ACACB: variants seen among roughly 807,000 people sequenced by gnomAD.
The protein encoded by ACACB is acetyl-CoA carboxylase 2.
Under a neutral mutation model 278.8 loss-of-function variants are expected in ACACB, and 209 were observed. The observed-to-expected ratio is 0.75, with a 90% CI of 0.67 to 0.84. The LOEUF (loss-of-function observed/expected upper bound fraction) is 0.84, where lower values mean the gene tolerates loss of function less well. Among genes scored for constraint, ACACB ranks in the 40% least tolerant of loss-of-function variants. The pLI is 0.00. For synonymous variants in ACACB, 1,174 were observed against 1,285.6 expected (o/e 0.91, Z 1.86); for missense variants, 2,850 against 3,269.0 (o/e 0.87, Z 3.13).
At position 109,232,677 on chromosome 12, in the gene ACACB, T is replaced by A; in HGVS notation, c.4010T>A (p.Val1337Glu). 1.2e-6 allele frequency: 2 copies of A among 1,613,882 alleles called. No homozygotes were observed. The highest frequency in any genetic ancestry group is 1.7e-6 in the Non-Finnish European group (2 of 1,179,888). The part of the protein sequence containing the change: ...LPSSHPNRMT[V>E]PISITNPDLL... ...TTGCCATCACCTTACAGGATGACCG[T>A]GCCCATCAGCATCACCAACCCTGAC... Residue 1337 changes from valine to glutamate, a missense_variant, in exon 29 of 53, where the codon GTG (valine) becomes GAG (glutamate). Val to Glu is a moderately radical substitution (Grantham distance 121). This residue lies in a region of ACACB where 2,265 missense variants were observed against 2,561.3 expected (regional missense o/e 0.88). Coordinates refer to ENST00000338432, the MANE Select transcript of ACACB (RefSeq NM_001093.4).
At chr12:109,247,233 T>G (rs926602329) in intron 39 of ACACB, among the ~76,000 whole-genome samples, 4 of 151,932 alleles carry the variant, frequency 2.6e-5, no homozygotes, top group African/African-American at 7.3e-5. Flanking sequence ...GGGGGCGATA[T>G]TGCCCACTAC....
In ACACB at chr12:109,199,469, T is replaced by C; in HGVS notation, c.2695T>C (p.Ser899Pro). 1 of 1,566,392 alleles carries C rather than the reference T, an allele frequency of 6.4e-7. No individual in the cohort carries two copies. The highest frequency in any genetic ancestry group is 8.6e-7 in the Non-Finnish European group (1 of 1,156,262). The change falls in exon 18 of 53, where the codon TCC becomes CCC. Residue 899 changes from serine to proline, a missense_variant. Coordinates refer to ENST00000338432, the MANE Select transcript of ACACB (RefSeq NM_001093.4). ...GGAGAACGATCCTACAGTCCTGAGA[T>C]CCCCCTCGGCTGGGAAGCTGACACA... Reference protein sequence around the residue: ...EKENDPTVLRSPSAGKLTQYT... With the variant: ...EKENDPTVLRPPSAGKLTQYT...
chr12:109,167,621 G>GTGTGTATATATATATATATATATA (rs1555210640), intron 3 of ACACB, among the ~76,000 whole-genome samples: 1 of 77,524 alleles, frequency 1.3e-5, no homozygotes, highest in Non-Finnish European at 2.4e-5. Context: ...ATATGTATGT[G>GTGTGTATATATATATATATATATA]TATATATATA....
intron 15 of ACACB, among the ~76,000 whole-genome samples, chr12:109,192,647 A>G (rs565099163): frequency 4.6e-5 from 7 of 152,266 alleles, no homozygotes; most frequent in Middle Eastern, 3.4e-3. Context: ...AGAAAATAAA[A>G]GGATAAACTT....
chr12:109,172,144 A>G, intron 5 of ACACB, 131 bp from the exon 6 acceptor site: 1 of 914,188 alleles, frequency 1.1e-6, no homozygotes, highest in South Asian at 1.6e-5. Context: ...CTGGTCTCGA[A>G]CTCCTGGGCT....
At chr12:109,150,959 T>C (rs1211593776) in intron 2 of ACACB, among the ~76,000 whole-genome samples, 1 of 149,976 alleles carries the variant, frequency 6.7e-6, no homozygotes, top group East Asian at 2.0e-4. Context: ...TTTTCTTTTT[T>C]TCTTTTCTTT....
chr12:109,127,821 C>CT (rs371987788), intron 1 of ACACB, among the ~76,000 whole-genome samples: 50 of 152,132 alleles, frequency 3.3e-4, no homozygotes, highest in African/African-American at 1.1e-3. Context: ...CTTTTCAAGT[C>CT]TTACAGTTCG....
intron 45 of ACACB, among the ~76,000 whole-genome samples, chr12:109,257,265 C>T (rs2047251920): frequency 1.3e-5 from 2 of 151,542 alleles, no homozygotes. Flanking sequence ...CAGAGCGAGA[C>T]TCCATCTTCA....
At chr12:109,258,826 GC>G in intron 46 of ACACB, 146 bp from the exon 47 acceptor site, 5 of 1,043,704 alleles carry the variant, frequency 4.8e-6, no homozygotes, top group Non-Finnish European at 5.6e-6. Flanking sequence ...AGGAGATGGG[GC>G]TTCCATCCTT....
intron 27 of ACACB, 72 bp downstream of exon 27, chr12:109,223,976 T>C (rs1041784402): frequency 8.4e-6 from 11 of 1,304,550 alleles, no homozygotes; most frequent in African/African-American, 1.5e-5. Context: ...ACCATGCACC[T>C]GACCCTAGGC....
chr12:109,171,424 A>G (rs866640220), intron 4 of ACACB, among the ~76,000 whole-genome samples: 1 of 151,472 alleles, frequency 6.6e-6, no homozygotes, highest in African/African-American at 2.4e-5. Context: ...ATCTCAGCTC[A>G]CTGCTACCTC....
intron 2 of ACACB, among the ~76,000 whole-genome samples, chr12:109,151,364 A>G (rs1410927172): frequency 1.3e-5 from 2 of 152,136 alleles, no homozygotes; most frequent in Non-Finnish European, 2.9e-5. Flanking sequence ...TACAAGGTAC[A>G]GAGCAACTAA....
Position 109,267,040 on chromosome 12 carries a change from C to T in ACACB, c.*678C>T, listed in dbSNP as rs1411322135. The T allele has an allele frequency of 6.7e-6, 1 of 150,198 alleles. No individual in the cohort carries two copies. Among genetic ancestry groups the T allele is most frequent in the Non-Finnish European group, 1.5e-5 (1 of 67,758 alleles). The allele number at this position is 150,198 out of a possible 1,614,324, so 9.3% of individuals were successfully genotyped here. On this transcript the variant is annotated 3_prime_UTR_variant, in exon 53 of 53. Transcript: ENST00000338432. ...GGATTACAGGTGCCCACCACCATGC[C>T]CGGCTAATTTTTGTATTTTTGGTAG...
intron 1 of ACACB, among the ~76,000 whole-genome samples, chr12:109,118,469 G>A (rs1227268535): frequency 1.4e-5 from 2 of 147,504 alleles, no homozygotes; most frequent in African/African-American, 5.1e-5. Context: ...GCTGGAGTGC[G>A]ATGGCACAAT....
intron 44 of ACACB, among the ~76,000 whole-genome samples, chr12:109,255,179 C>G (rs2047194594): frequency 6.6e-6 from 1 of 152,204 alleles, no homozygotes. Context: ...CACATTCTCT[C>G]TCTGAAAGGG....
chr12:109,249,134 G>A (rs1478493550), intron 40 of ACACB: 1 of 152,216 alleles, frequency 6.6e-6, no homozygotes, highest in Non-Finnish European at 1.5e-5. Flanking sequence ...ACCGTCTGTG[G>A]CGTGTACCTT....
In ACACB at chr12:109,225,512, C is replaced by T. The variant is rs561223437; in HGVS notation, c.3882+1608C>T. Among the ~76,000 whole-genome samples, 12 of 152,306 alleles carry T rather than the reference C, an allele frequency of 7.9e-5. No homozygotes were observed. The East Asian group carries it at 9.7e-4, about 12-fold the overall frequency. ...CTCCCCAGAGTGCTGGGATTACAGG[C>T]GTGTGCCACCATGCCTGACCCCATT... is the stretch of plus-strand genomic sequence containing the variant. On this transcript the variant is annotated intron_variant, in intron 27 of 52. Coordinates refer to ENST00000338432, the MANE Select transcript of ACACB (RefSeq NM_001093.4).
chr12:109,112,930 T>A (rs1346600664), upstream of ACACB, among the ~76,000 whole-genome samples: 1 of 152,166 alleles, frequency 6.6e-6, no homozygotes, highest in East Asian at 1.9e-4. Context: ...AACAACTCAC[T>A]GCAGAGAAAG....
rs376114199 is a variant in ACACB at position 109,174,195 on chromosome 12, C to T, written c.1181C>T (p.Thr394Met). The T allele has an allele frequency of 4.1e-5, 66 of 1,613,120 alleles. No individual in the cohort carries two copies. Among genetic ancestry groups the T allele is most frequent in the African/African-American group, 6.7e-5 (5 of 74,928 alleles). Residue 394 changes from threonine (T) to methionine (M), a missense_variant, in exon 7 of 53, where the codon ACG (threonine) becomes ATG (methionine). This residue lies in a region of ACACB where 2,265 missense variants were observed against 2,561.3 expected (regional missense o/e 0.88). Transcript: ENST00000338432. ...ATCGCCTCCACCGTTGTCGCCCAGA[C>T]GCTACAGGTCCCAACCCTGCCCTGG... Reference protein sequence around the residue: ...DKIASTVVAQTLQVPTLPWSG... With the variant: ...DKIASTVVAQMLQVPTLPWSG...
Sources: gnomAD v4.1 joint callset for allele counts (sites outside exome capture counted in the v4.1 genomes callset) on GRCh38, gnomAD v4.1.1 for gene constraint, gnomAD v4.1.1 regional missense constraint, MANE v1.5 for transcripts, NCBI Gene and HGNC (gene_info 2026-07-23, HGNC 2026-07-21) for gene names.